SNX29: variants seen among roughly 807,000 people sequenced by gnomAD.
SNX29 encodes sorting nexin 29.
SNX29 carries 78 observed loss-of-function variants against 102.1 expected under a neutral mutation model. The observed-to-expected ratio is 0.76, with a 90% confidence interval of 0.64 to 0.92. SNX29 has a LOEUF of 0.92. Ranked by LOEUF, SNX29 falls within the 40% of genes least tolerant of loss-of-function variation. The pLI, the probability that SNX29 is intolerant of heterozygous loss-of-function variation, is 0.00. For synonymous variants in SNX29, 580 were observed against 414.5 expected, an observed-to-expected ratio of 1.40 and a Z score of -4.85; for missense variants, 1,280 against 1,061.7, an observed-to-expected ratio of 1.21 and a Z score of -2.86.
chr16:12,046,417 T>C lies in SNX29; in HGVS notation c.462T>C (p.Asp154=). The part of the protein sequence containing the change: ...TFYEDWSFVM[D]EERSSMLPTM... ...ATGAAGACTGGTCTTTTGTGATGGA[T>C]GAAGAAAGGTCCAGTATGCTTCCTA... Residue 154 remains aspartate, a synonymous_variant, in exon 6 of 21, where the codon GAT becomes GAC. Transcript: ENST00000566228. 6.2e-7 allele frequency: 1 copy of C among 1,613,860 alleles called. No individual in the cohort carries two copies. Among genetic ancestry groups the C allele is most frequent in the Non-Finnish European group, 8.5e-7 (1 of 1,179,762 alleles).
At chr16:12,426,577 G>T (rs1180994676) in intron 18 of SNX29, among the ~76,000 whole-genome samples, 1 of 152,188 alleles carries the variant, frequency 6.6e-6, no homozygotes, top group Non-Finnish European at 1.5e-5. Flanking sequence ...TATGTGTTAC[G>T]TAGCCAATAA....
intron 14 of SNX29, among the ~76,000 whole-genome samples, chr16:12,254,994 A>T (rs1452992372): frequency 6.6e-6 from 1 of 152,124 alleles, no homozygotes. Context: ...GTGCAGCAGG[A>T]ATTGTTTCTT....
chr16:12,177,384 T>C (rs1175765905), intron 13 of SNX29, among the ~76,000 whole-genome samples: 1 of 152,220 alleles, frequency 6.6e-6, no homozygotes, highest in African/African-American at 2.4e-5. Flanking sequence ...CATTCTTGTA[T>C]GTGATGCCAG....
At position 12,369,159 on chromosome 16, in the gene SNX29, G is replaced by C. The variant is rs548376455; in HGVS notation, c.1899+12880G>C. ...TCATATCTTTTTTTTTTTTTGAGAC[G>C]GAGTTTTGCTCTGTCACTCAGACTG... On this transcript the variant is annotated intron_variant, in intron 16 of 20. Transcript: ENST00000566228. 2.0e-5 allele frequency among the ~76,000 whole-genome samples: 3 copies of C among 150,784 alleles called. No homozygotes were observed. The East Asian group carries it at 5.8e-4, about 29-fold the overall frequency.
chr16:11,988,197 G>A (rs1490365354), intron 1 of SNX29, among the ~76,000 whole-genome samples: 2 of 151,770 alleles, frequency 1.3e-5, no homozygotes, highest in African/African-American at 2.4e-5. Flanking sequence ...AGGAGGCTGA[G>A]GCAGGAGAAT....
intron 20 of SNX29, among the ~76,000 whole-genome samples, chr16:12,541,275 C>T (rs543215220): frequency 7.2e-5 from 11 of 152,098 alleles, no homozygotes; most frequent in Non-Finnish European, 1.6e-4. Flanking sequence ...ATGACAGGAG[C>T]AGGGGAATAC....
At chr16:12,044,960 G>C (rs183643217) in intron 5 of SNX29, among the ~76,000 whole-genome samples, 4 of 152,172 alleles carry the variant, frequency 2.6e-5, no homozygotes, top group African/African-American at 9.7e-5. Context: ...TACATACTCA[G>C]TCTCAAAGTT....
intron 15 of SNX29, among the ~76,000 whole-genome samples, chr16:12,287,791 A>G (rs549077462): frequency 6.6e-6 from 1 of 152,266 alleles, no homozygotes; most frequent in African/African-American, 2.4e-5. Flanking sequence ...CTTTTAATCC[A>G]TATGTTCTGT....
At chr16:12,440,315 A>G (rs1392893362) in intron 18 of SNX29, among the ~76,000 whole-genome samples, 4 of 152,140 alleles carry the variant, frequency 2.6e-5, no homozygotes, top group Non-Finnish European at 4.4e-5. Flanking sequence ...CGCAACCATC[A>G]CCACTCTAAT....
intron 16 of SNX29, among the ~76,000 whole-genome samples, chr16:12,385,972 C>T (rs982450981): frequency 7.9e-5 from 12 of 152,236 alleles, no homozygotes; most frequent in Admixed American, 6.5e-4. Flanking sequence ...GAGCAGAAGA[C>T]GATGTCTGCG....
chr16:12,562,785 C>A (rs888985117), intron 20 of SNX29, among the ~76,000 whole-genome samples: 1 of 152,180 alleles, frequency 6.6e-6, no homozygotes, highest in Non-Finnish European at 1.5e-5. Flanking sequence ...CTTTAGCCAT[C>A]ACCATCAAGA....
intron 20 of SNX29, among the ~76,000 whole-genome samples, chr16:12,555,006 A>G (rs1597990405): frequency 6.6e-6 from 1 of 151,864 alleles, no homozygotes; most frequent in South Asian, 2.1e-4. Flanking sequence ...TTTCTTGCAG[A>G]GGCAGGCAGG....
chr16:11,993,625 A>G (rs1354925382), intron 1 of SNX29, among the ~76,000 whole-genome samples: 1 of 152,220 alleles, frequency 6.6e-6, no homozygotes, highest in African/African-American at 2.4e-5. Context: ...AGGGAGGTTA[A>G]GTAACTTGCT....
chr16:12,573,811 G>C lies in SNX29; in HGVS notation c.*5182G>C, dbSNP rs1030311383. Reference sequence around the variant, plus strand: ...TCCCGGAGTGAAGGGGATGGGGGTAGAGCTAATTGGAATTTTTATTATCCA... The same window carrying C: ...TCCCGGAGTGAAGGGGATGGGGGTACAGCTAATTGGAATTTTTATTATCCA... On this transcript the variant is annotated 3_prime_UTR_variant, in exon 21 of 21. Transcript: ENST00000566228. The C allele has an allele frequency of 9.1e-6, 2 of 218,906 alleles. No individual in the cohort carries two copies. Among genetic ancestry groups the C allele is most frequent in the Non-Finnish European group, 1.8e-5 (2 of 109,212 alleles). The allele number at this position is 218,906 out of a possible 1,614,324, so 13.6% of individuals were successfully genotyped here.
At chr16:12,386,284 GC>G (rs1375551145) in intron 16 of SNX29, among the ~76,000 whole-genome samples, 2 of 152,200 alleles carry the variant, frequency 1.3e-5, no homozygotes, top group Admixed American at 1.3e-4. Context: ...GGTCACACTT[GC>G]CGAGAGCCCT....
intron 8 of SNX29, among the ~76,000 whole-genome samples, chr16:12,059,400 T>TC: frequency 6.6e-6 from 1 of 152,228 alleles, no homozygotes; most frequent in African/African-American, 2.4e-5. Context: ...CATCTGGTTC[T>TC]CCCCCAGGTT....
intron 1 of SNX29, among the ~76,000 whole-genome samples, chr16:11,996,197 G>A (rs368061151): frequency 6.6e-6 from 1 of 152,196 alleles, no homozygotes; most frequent in East Asian, 1.9e-4. Context: ...TGAGTCTGGG[G>A]TGAGACCCCG....
intron 16 of SNX29, among the ~76,000 whole-genome samples, chr16:12,377,361 A>G (rs1480649122): frequency 1.3e-5 from 2 of 152,210 alleles, no homozygotes; most frequent in Admixed American, 6.5e-5. Context: ...CCTCACCTGC[A>G]GACCCAGGTT....
intron 11 of SNX29, among the ~76,000 whole-genome samples, chr16:12,095,821 A>G (rs2052743813): frequency 6.6e-6 from 1 of 152,226 alleles, no homozygotes; most frequent in Non-Finnish European, 1.5e-5. Context: ...GAGCCAGGGC[A>G]GAGAGGGCAA....
Sources: gnomAD v4.1 joint callset for allele counts (sites outside exome capture counted in the v4.1 genomes callset) on GRCh38, gnomAD v4.1.1 for gene constraint, MANE v1.5 for transcripts, NCBI Gene and HGNC (gene_info 2026-07-23, HGNC 2026-07-21) for gene names.